The following EFCAB3 variants were observed in gnomAD, a reference collection of about 807,000 sequenced individuals.
EFCAB3 encodes EF-hand calcium-binding domain-containing protein 3.
EFCAB3 carries 36 observed loss-of-function variants against 42.2 expected under a neutral mutation model. That is an observed-to-expected ratio of 0.85 (90% CI 0.65 to 1.13). The LOEUF (loss-of-function observed/expected upper bound fraction) is 1.13. EFCAB3 is among the 50% of genes most tolerant of loss of function. The pLI is 0.00. For synonymous variants in EFCAB3, 170 were observed against 172.8 expected, an observed-to-expected ratio of 0.98 and a Z score of 0.13; for missense variants, 418 against 505.1, an observed-to-expected ratio of 0.83 and a Z score of 1.65.
chr17:62,379,483 T>C (rs551988006), upstream of EFCAB3, among the ~76,000 whole-genome samples: 75 of 152,218 alleles, frequency 4.9e-4, no homozygotes, highest in African/African-American at 1.7e-3. Context: ...TAAATAATTG[T>C]TGAATTAATT....
At chr17:62,399,644 G>T (rs577039242) in intron 6 of EFCAB3, among the ~76,000 whole-genome samples, 77 of 151,844 alleles carry the variant, frequency 5.1e-4, no homozygotes, top group Non-Finnish European at 9.6e-4. Flanking sequence ...CCTCTATCTG[G>T]ATACTTTTCC....
intron 4 of EFCAB3, among the ~76,000 whole-genome samples, chr17:62,392,487 T>C (rs1025708406): frequency 3.6e-4 from 55 of 152,278 alleles, no homozygotes; most frequent in Admixed American, 2.3e-3. Context: ...GCAGTAACAA[T>C]GTTAATAATG....
chr17:62,409,636 A>G (rs1352544669), intron 8 of EFCAB3, among the ~76,000 whole-genome samples: 1 of 150,914 alleles, frequency 6.6e-6, no homozygotes, highest in African/African-American at 2.4e-5. Context: ...CACAACCCCC[A>G]ATACCTTACC....
intron 6 of EFCAB3, among the ~76,000 whole-genome samples, chr17:62,402,203 G>A (rs1385089018): frequency 2.0e-5 from 3 of 152,140 alleles, no homozygotes; most frequent in Admixed American, 1.3e-4. Flanking sequence ...AGACGATGGG[G>A]TTTTCTAAAT....
intron 2 of EFCAB3, among the ~76,000 whole-genome samples, chr17:62,385,389 C>T (rs754864475): frequency 3.3e-5 from 5 of 152,128 alleles, no homozygotes; most frequent in Non-Finnish European, 7.3e-5. Flanking sequence ...CTGCAGTGAG[C>T]CACGATCACA....
chr17:62,381,952 T>G, intron 1 of EFCAB3: 1 of 300,582 alleles, frequency 3.3e-6, no homozygotes, highest in South Asian at 3.3e-5. Context: ...GAGGAGAAGA[T>G]GAGGAGGAGG....
chr17:62,400,093 C>G (rs1368308318), intron 6 of EFCAB3, among the ~76,000 whole-genome samples: 5 of 152,118 alleles, frequency 3.3e-5, no homozygotes, highest in Non-Finnish European at 7.3e-5. Context: ...GAAGATCACA[C>G]TGGGATCTCC....
upstream of EFCAB3, among the ~76,000 whole-genome samples, chr17:62,379,653 C>T (rs930808636): frequency 1.3e-5 from 2 of 152,018 alleles, no homozygotes; most frequent in African/African-American, 4.8e-5. Context: ...GCAAGTGAAA[C>T]CTGAAGCACT....
chr17:62,373,450 C>CAA (rs35615092), intron 1 of EFCAB3, among the ~76,000 whole-genome samples: 18,232 of 140,434 alleles, frequency 0.13, 1,134 homozygotes, highest in Non-Finnish European at 0.15. Context: ...CCCATCTCTA[C>CAA]AAAAAAAAAA....
chr17:62,370,239 A>C (rs1338261145), exon 1 of EFCAB3: 1 of 1,543,276 alleles, frequency 6.5e-7, no homozygotes, highest in African/African-American at 1.4e-5. Flanking sequence ...TGATGTCCAG[A>C]ACTTAGACAA....
chr17:62,389,152 G>A (rs1438103840), intron 3 of EFCAB3, among the ~76,000 whole-genome samples: 1 of 152,348 alleles, frequency 6.6e-6, no homozygotes, highest in African/African-American at 2.4e-5. Context: ...AGGGTAAGCA[G>A]GTATGGGGTT....
Position 62,416,408 on chromosome 17 carries a change from A to G in EFCAB3, c.*79A>G, listed in dbSNP as rs1420762746. 8.2e-7 allele frequency: 1 copy of G among 1,215,940 alleles called. No individual in the cohort carries two copies. The highest frequency in any genetic ancestry group is 2.6e-5 in the Admixed American group (1 of 38,994). 75.3% of individuals were successfully genotyped at this position (1,215,940 alleles called of 1,614,324 possible). A position where few individuals can be genotyped will look rare whatever the true frequency, so the allele number is the denominator to read the frequency against. On this transcript the variant is annotated 3_prime_UTR_variant, in exon 10 of 10. Transcript: ENST00000305286. The stretch of plus-strand genomic sequence containing the variant: ...AAATTATTGTTTCTTGCTTTTGTCT[A>G]AGTACATTCTTAGAAGCTGGAAATT...
upstream of EFCAB3, chr17:62,380,546 C>T: frequency 2.5e-5 from 25 of 985,394 alleles, no homozygotes; most frequent in Non-Finnish European, 3.0e-5. Flanking sequence ...TGTGATGGAA[C>T]AAACCCTTTA....
chr17:62,405,868 C>A (rs141408666), intron 6 of EFCAB3, among the ~76,000 whole-genome samples: 2 of 152,138 alleles, frequency 1.3e-5, no homozygotes, highest in Admixed American at 1.3e-4. Flanking sequence ...TACTCCAGAT[C>A]GTAAGCTTAC....
At chr17:62,375,638 C>T (rs1351975358), upstream of EFCAB3, among the ~76,000 whole-genome samples, 1 of 152,162 alleles carries the variant, frequency 6.6e-6, no homozygotes, top group Non-Finnish European at 1.5e-5. Context: ...CTAACTGAAG[C>T]AGCTGTATCA....
At chr17:62,398,179 C>A (rs923490997) in intron 6 of EFCAB3, 1 of 206,396 alleles carries the variant, frequency 4.8e-6, no homozygotes, top group Admixed American at 5.1e-5. Context: ...ACGGGCCAGG[C>A]GTGATGGCTC....
chr17:62,413,466 A>G (rs535081304), intron 8 of EFCAB3, among the ~76,000 whole-genome samples: 1 of 152,340 alleles, frequency 6.6e-6, no homozygotes, highest in South Asian at 2.1e-4. Context: ...AATAATTACC[A>G]AAAGGACAGA....
Position 62,406,644 on chromosome 17 carries a change from A to G in EFCAB3, c.653A>G (p.Asp218Gly). 6.2e-7 allele frequency: 1 copy of G among 1,613,968 alleles called. No homozygotes were observed. Among genetic ancestry groups the G allele is most frequent in the East Asian group, 2.2e-5 (1 of 44,862 alleles). ...AARIAIMKEK[D>G]LFKFLEELKR... ...CGGATTGCAATAATGAAAGAAAAGG[A>G]TTTATTTAAATTTCTTGAAGAGCTC... is the stretch of plus-strand genomic sequence containing the variant. The change falls in exon 7 of 10, where the codon GAT becomes GGT. Residue 218 changes from aspartate (D) to glycine (G), a missense_variant. By Grantham distance (94) the Asp-to-Gly change is moderately conservative (BLOSUM62 -1). Coordinates refer to ENST00000305286, the MANE Select transcript of EFCAB3 (RefSeq NM_173503.4).
At chr17:62,370,777 T>C (rs1319535483) in intron 1 of EFCAB3, among the ~76,000 whole-genome samples, 1 of 152,112 alleles carries the variant, frequency 6.6e-6, no homozygotes, top group Non-Finnish European at 1.5e-5. Context: ...ATGAATCACT[T>C]GGTCGTCTTG....
Sources: gnomAD v4.1 joint callset for allele counts (sites outside exome capture counted in the v4.1 genomes callset) on GRCh38, gnomAD v4.1.1 for gene constraint, MANE v1.5 for transcripts, NCBI Gene and HGNC (gene_info 2026-07-23, HGNC 2026-07-21) for gene names.